Variants in MCHR2 observed in about 807,000 individuals in gnomAD.
MCHR2 encodes the protein melanin-concentrating hormone receptor 2.
In MCHR2, 15 loss-of-function variants were observed where a neutral mutation model predicts 24.8. That is an observed-to-expected ratio of 0.60 (90% CI 0.40 to 0.93). The LOEUF (loss-of-function observed/expected upper bound fraction) is 0.93, where lower values mean the gene tolerates loss of function less well. Ranked by LOEUF, MCHR2 falls within the 40% of genes least tolerant of loss-of-function variation. MCHR2 has a pLI of 0.00. For missense variants in MCHR2, 386 were observed against 408.7 expected, an observed-to-expected ratio of 0.94 and a Z score of 0.48; for synonymous variants, 151 against 147.6, an observed-to-expected ratio of 1.02 and a Z score of -0.17.
Position 99,921,107 on chromosome 6 carries a change from C to T in MCHR2, c.856G>A (p.Val286Met). The T allele has an allele frequency of 6.2e-7, 1 of 1,614,160 alleles. No individual in the cohort carries two copies. Among genetic ancestry groups the T allele is most frequent in the Non-Finnish European group, 8.5e-7 (1 of 1,180,026 alleles). The change falls in exon 6 of 6, where the codon GTG becomes ATG. Residue 286 changes from valine to methionine, a missense_variant. Coordinates refer to ENST00000281806, the MANE Select transcript of MCHR2 (RefSeq NM_001040179.2). ...QMEQPTLAFY[V>M]GYYLSICLSY... is the part of the protein sequence containing the mutation. ...AGACAGATGGAGAGGTAATAACCCA[C>T]ATAGAAGGCCAGTGTGGGCTGTTCC...
chr6:99,981,976 G>A (rs1428798730), intron 1 of MCHR2, among the ~76,000 whole-genome samples: 1 of 152,104 alleles, frequency 6.6e-6, no homozygotes, highest in African/African-American at 2.4e-5. Context: ...TGACTGAGGT[G>A]ATGGTTTTTC....
Position 99,920,877 on chromosome 6 carries a change from C to A in MCHR2, c.*63G>T. On this transcript the variant is annotated 3_prime_UTR_variant, in exon 6 of 6. Coordinates refer to ENST00000281806, the MANE Select transcript of MCHR2 (RefSeq NM_001040179.2). ...GCATAAACATATCGGTACACCTGCC[C>A]TTTCTGATAATACCAGTAAGATAGA... 1 of 1,519,918 alleles carries A rather than the reference C, an allele frequency of 6.6e-7. No individual in the cohort carries two copies. Among genetic ancestry groups the A allele is most frequent in the Non-Finnish European group, 9.0e-7 (1 of 1,111,596 alleles). The allele number at this position is 1,519,918 out of a possible 1,614,324, so 94.2% of individuals were successfully genotyped here.
At chr6:99,933,913 G>A (rs1036908213) in intron 5 of MCHR2, among the ~76,000 whole-genome samples, 1 of 151,734 alleles carries the variant, frequency 6.6e-6, no homozygotes, top group South Asian at 2.1e-4. Flanking sequence ...ATTGACTTTA[G>A]GTTAACTCTT....
At chr6:99,948,091 T>C (rs1774907764) in intron 2 of MCHR2, 120 bp from the exon 3 acceptor site, 1 of 766,922 alleles carries the variant, frequency 1.3e-6, no homozygotes, top group Non-Finnish European at 2.1e-6. Flanking sequence ...GGAAAACCTA[T>C]ACAGATGCAT....
chr6:99,973,967 A>G (rs1238509230), intron 1 of MCHR2, among the ~76,000 whole-genome samples: 1 of 152,110 alleles, frequency 6.6e-6, no homozygotes, highest in Non-Finnish European at 1.5e-5. Flanking sequence ...GGGTAACCCG[A>G]CCTTTCTTTC....
chr6:99,985,412 T>G (rs1295965925), intron 1 of MCHR2, among the ~76,000 whole-genome samples: 2 of 152,124 alleles, frequency 1.3e-5, no homozygotes, highest in Non-Finnish European at 2.9e-5. Context: ...TGTATCACAT[T>G]ACCTGACTTC....
chr6:99,981,403 G>A (rs945587248), intron 1 of MCHR2, among the ~76,000 whole-genome samples: 3 of 152,162 alleles, frequency 2.0e-5, no homozygotes, highest in Non-Finnish European at 4.4e-5. Context: ...ACAGTGGCTT[G>A]TGACTGGAGC....
chr6:99,962,371 T>C (rs1366258984), intron 1 of MCHR2, among the ~76,000 whole-genome samples: 2 of 152,184 alleles, frequency 1.3e-5, no homozygotes, highest in African/African-American at 4.8e-5. Flanking sequence ...GAAATTTCTA[T>C]TTACTAGTTT....
chr6:99,977,511 A>T (rs969263389), intron 1 of MCHR2, among the ~76,000 whole-genome samples: 1 of 152,140 alleles, frequency 6.6e-6, no homozygotes, highest in African/African-American at 2.4e-5. Flanking sequence ...TGGGCTCTAG[A>T]CACTTTTGTC....
chr6:99,920,690 C>A lies in MCHR2; in HGVS notation c.*250G>T. On this transcript the variant is annotated 3_prime_UTR_variant, in exon 6 of 6. Coordinates refer to ENST00000281806, the MANE Select transcript of MCHR2 (RefSeq NM_001040179.2). The stretch of plus-strand genomic sequence containing the variant: ...GTTTATAATATGCTGAAATAATATA[C>A]ACCATCATGAAGCCTGGGTATCTCA... 1 of 446,682 alleles carries A rather than the reference C, an allele frequency of 2.2e-6. No individual in the cohort carries two copies. Among genetic ancestry groups the A allele is most frequent in the East Asian group, 3.9e-5 (1 of 25,344 alleles). The allele number at this position is 446,682 out of a possible 1,614,324, so 27.7% of individuals were successfully genotyped here. A position where few individuals can be genotyped will look rare whatever the true frequency, so the allele number is the denominator to read the frequency against.
chr6:99,974,817 T>A (rs1326374458), intron 1 of MCHR2, among the ~76,000 whole-genome samples: 1 of 152,316 alleles, frequency 6.6e-6, no homozygotes, highest in Non-Finnish European at 1.5e-5. Flanking sequence ...TTGCTAGAGG[T>A]CCACTCCAGA....
At chr6:99,960,319 A>G (rs898592833) in intron 1 of MCHR2, among the ~76,000 whole-genome samples, 22 of 152,222 alleles carry the variant, frequency 1.4e-4, no homozygotes, top group Admixed American at 1.4e-3. Flanking sequence ...CCACTGCTCA[A>G]CGAAATAAAA....
At chr6:99,934,232 A>G (rs1774604336) in intron 5 of MCHR2, among the ~76,000 whole-genome samples, 166 bp downstream of exon 5, 1 of 152,098 alleles carries the variant, frequency 6.6e-6, no homozygotes, top group African/African-American at 2.4e-5. Context: ...TAAGCAGTTT[A>G]TTTAGCACAT....
intron 1 of MCHR2, among the ~76,000 whole-genome samples, chr6:99,991,738 C>T (rs1322885493): frequency 5.4e-5 from 7 of 130,484 alleles, no homozygotes; most frequent in Admixed American, 4.8e-4. Context: ...ACCCGGGAGG[C>T]GGAGCTTGCA....
chr6:99,978,424 T>TTG (rs1461892460), intron 1 of MCHR2, among the ~76,000 whole-genome samples: 8 of 141,686 alleles, frequency 5.6e-5, no homozygotes, highest in Non-Finnish European at 7.7e-5. Context: ...AAGACAGTTT[T>TTG]TTTTTTTTTT....
chr6:99,947,914 C>G lies in MCHR2; in HGVS notation c.240G>C (p.Leu80Phe), dbSNP rs78660011. ...GAAAAGGCATTCCAACTATGTGGAC[C>G]AAATCAGCCACAGCCAGGTTGCAGA... ...IYICNLAVAD[L>F]VHIVGMPFLI... The change falls in exon 3 of 6, where the codon TTG (leucine) becomes TTC (phenylalanine). Residue 80 changes from leucine (L) to phenylalanine (F), a missense_variant. Leu to Phe is a conservative substitution (Grantham distance 22, BLOSUM62 0). Transcript: ENST00000281806. 1 of 1,613,576 alleles carries G rather than the reference C, an allele frequency of 6.2e-7. No homozygotes were observed. Among genetic ancestry groups the G allele is most frequent in the African/African-American group, 1.3e-5 (1 of 74,876 alleles).
chr6:99,973,367 C>T (rs1775474588), intron 1 of MCHR2, among the ~76,000 whole-genome samples: 1 of 151,928 alleles, frequency 6.6e-6, no homozygotes, highest in African/African-American at 2.4e-5. Flanking sequence ...TCTGTTTTAT[C>T]AGAGACTAGG....
chr6:99,953,762 T>C (rs1193237278), intron 2 of MCHR2, among the ~76,000 whole-genome samples: 4 of 152,076 alleles, frequency 2.6e-5, no homozygotes, highest in African/African-American at 7.2e-5. Flanking sequence ...AGATATTGAA[T>C]TGAATTTCTT....
intron 5 of MCHR2, among the ~76,000 whole-genome samples, chr6:99,925,315 C>T (rs1582366162): frequency 6.6e-6 from 1 of 151,878 alleles, no homozygotes; most frequent in African/African-American, 2.4e-5. Flanking sequence ...TTCTTGAAGG[C>T]AATAGATCAA....
Sources: gnomAD v4.1 joint callset for allele counts (sites outside exome capture counted in the v4.1 genomes callset) on GRCh38, gnomAD v4.1.1 for gene constraint, MANE v1.5 for transcripts, NCBI Gene and HGNC (gene_info 2026-07-23, HGNC 2026-07-21) for gene names.